GIGYF2: variants seen among roughly 807,000 people sequenced by gnomAD.
GIGYF2 encodes the protein GRB10-interacting GYF protein 2.
In GIGYF2, 25 loss-of-function variants were observed where a neutral mutation model predicts 208.1. That is an observed-to-expected ratio of 0.12 (90% confidence interval 0.09 to 0.17). The LOEUF (loss-of-function observed/expected upper bound fraction) is 0.17, where lower values mean the gene tolerates loss of function less well. Among genes scored for constraint, GIGYF2 ranks in the 10% least tolerant of loss-of-function variants. The pLI is 1.00. For synonymous variants in GIGYF2, 534 were observed against 543.8 expected (o/e 0.98, Z 0.25); for missense variants, 1,302 against 1,579.4 (o/e 0.82, Z 2.98).
At chr2:232,833,342 T>C (rs1400113460) in intron 22 of GIGYF2, among the ~76,000 whole-genome samples, 1 of 152,162 alleles carries the variant, frequency 6.6e-6, no homozygotes, top group African/African-American at 2.4e-5. Context: ...CACCTCAGCC[T>C]TCCCAGTAGC....
rs376434082 is a variant in GIGYF2 at position 232,794,963 on chromosome 2, C to A, written c.1479+19C>A. 2.0e-5 allele frequency: 32 copies of A among 1,562,122 alleles called. No individual in the cohort carries two copies. The highest frequency in any genetic ancestry group is 2.8e-5 in the Non-Finnish European group (32 of 1,133,174). Reference sequence around the variant, plus strand: ...GGAGCAGGTAAAAATCCTGTTAATTCTTTTTGTCTCCTCTTAAACTGCCGT... The same window carrying A: ...GGAGCAGGTAAAAATCCTGTTAATTATTTTTGTCTCCTCTTAAACTGCCGT... On this transcript the variant is annotated intron_variant, in intron 13 of 28. Transcript: ENST00000373563.
At chr2:232,841,171 C>G (rs997087997) in intron 23 of GIGYF2, among the ~76,000 whole-genome samples, 6 of 152,050 alleles carry the variant, frequency 3.9e-5, no homozygotes, top group African/African-American at 1.4e-4. Context: ...CCCTTCAAAG[C>G]TAGAAATTAT....
At chr2:232,728,280 A>G (rs1697299308) in intron 2 of GIGYF2, among the ~76,000 whole-genome samples, 1 of 152,220 alleles carries the variant, frequency 6.6e-6, no homozygotes, top group Non-Finnish European at 1.5e-5. Context: ...GATTGACGAT[A>G]CATAGTAGGT....
intron 14 of GIGYF2, 151 bp downstream of exon 14, chr2:232,796,372 T>A: frequency 1.5e-6 from 1 of 659,706 alleles, no homozygotes; most frequent in Non-Finnish European, 2.7e-6. Context: ...TGTTTCTGAT[T>A]TCAGATGTTT....
intron 2 of GIGYF2, among the ~76,000 whole-genome samples, chr2:232,721,969 C>T (rs1696962384): frequency 6.6e-6 from 1 of 152,122 alleles, no homozygotes; most frequent in African/African-American, 2.4e-5. Flanking sequence ...TTAAATTTGT[C>T]AACTCTCTTC....
At chr2:232,790,516 G>C (rs567459756) in intron 9 of GIGYF2, among the ~76,000 whole-genome samples, 182 bp from the exon 10 acceptor site, 2 of 152,264 alleles carry the variant, frequency 1.3e-5, no homozygotes, top group Non-Finnish European at 2.9e-5. Context: ...TTGTCATCTC[G>C]TAATGGTACA....
intron 22 of GIGYF2, among the ~76,000 whole-genome samples, chr2:232,838,390 G>T (rs1469583932): frequency 6.6e-6 from 1 of 152,058 alleles, no homozygotes; most frequent in East Asian, 1.9e-4. Context: ...CACAGCAATA[G>T]GAAGATTCTC....
At position 232,737,721 on chromosome 2, in the gene GIGYF2, A is replaced by G. The variant is rs953346166; in HGVS notation, c.41+2483A>G. ...TCGAACCAGTGTGCAATTAACTCTA[A>G]ATGAGACAGAAGCACTAAGTGATAC... On this transcript the variant is annotated intron_variant, in intron 3 of 28. Transcript: ENST00000373563. Among the ~76,000 whole-genome samples the G allele has an allele frequency of 2.0e-5, 3 of 152,120 alleles. No homozygotes were observed. In the East Asian group the frequency reaches 5.8e-4, roughly 29 times the overall value.
chr2:232,849,400 A>T (rs1474329243), intron 27 of GIGYF2, among the ~76,000 whole-genome samples: 1 of 152,086 alleles, frequency 6.6e-6, no homozygotes, highest in Non-Finnish European at 1.5e-5. Context: ...TCCCGACCTC[A>T]TGATCCGCCC....
intron 2 of GIGYF2, chr2:232,731,194 T>G (rs1195212206): frequency 6.6e-6 from 1 of 152,220 alleles, no homozygotes; most frequent in Non-Finnish European, 1.5e-5. Context: ...GTATCATTTG[T>G]GTTAATAGTG....
At chr2:232,745,539 G>A (rs1399685266) in intron 3 of GIGYF2, among the ~76,000 whole-genome samples, 2 of 152,166 alleles carry the variant, frequency 1.3e-5, no homozygotes, top group African/African-American at 4.8e-5. Flanking sequence ...ACTGTTGGAA[G>A]GTGCAAGTGA....
At chr2:232,759,172 A>G (rs1011969441) in intron 6 of GIGYF2, among the ~76,000 whole-genome samples, 1 of 152,230 alleles carries the variant, frequency 6.6e-6, no homozygotes, top group Admixed American at 6.5e-5. Context: ...TTCTTGATAA[A>G]TTACAAACAA....
At chr2:232,805,098 T>C (rs567724504) in intron 14 of GIGYF2, among the ~76,000 whole-genome samples, 36 of 152,318 alleles carry the variant, frequency 2.4e-4, no homozygotes, top group African/African-American at 7.7e-4. Context: ...AATATGATTT[T>C]AATTTTTAAA....
intron 2 of GIGYF2, among the ~76,000 whole-genome samples, chr2:232,720,707 G>T (rs1696904853): frequency 2.0e-5 from 3 of 151,966 alleles, no homozygotes; most frequent in Admixed American, 2.0e-4. Flanking sequence ...CAGTTCTCCT[G>T]CCTCAGCCTC....
Position 232,735,188 on chromosome 2 carries a change from A to G in GIGYF2, c.-10A>G. 2 of 1,591,886 alleles carry G rather than the reference A, an allele frequency of 1.3e-6. No homozygotes were observed. The highest frequency in any genetic ancestry group is 1.7e-6 in the Non-Finnish European group (2 of 1,159,800). The stretch of plus-strand genomic sequence containing the variant: ...ACATATAAAAATCTATTGTAAAAAT[A>G]CGGAAAAGAATGGCAGCGGAAACGC... On this transcript the variant is annotated 5_prime_UTR_variant, in exon 3 of 29. It adds an upstream start codon to the 5' untranslated region. Transcript: ENST00000373563.
intron 8 of GIGYF2, chr2:232,765,240 T>TA (rs771937262): frequency 3.9e-5 from 6 of 152,188 alleles, no homozygotes; most frequent in Non-Finnish European, 7.3e-5. Context: ...TGTTCATAAT[T>TA]ATATCTTACA....
chr2:232,805,061 C>T (rs752594525), intron 14 of GIGYF2, among the ~76,000 whole-genome samples: 5 of 151,588 alleles, frequency 3.3e-5, no homozygotes, highest in Non-Finnish European at 7.4e-5. Flanking sequence ...GATTTTGGTA[C>T]ACCCATCACT....
intron 2 of GIGYF2, among the ~76,000 whole-genome samples, chr2:232,709,777 CCA>C (rs1442229054): frequency 6.6e-6 from 1 of 151,722 alleles, no homozygotes; most frequent in Non-Finnish European, 1.5e-5. Flanking sequence ...CCACTGCACT[CCA>C]GCCTGGGCAA....
At chr2:232,794,120 A>T (rs2106367180) in intron 12 of GIGYF2, among the ~76,000 whole-genome samples, 1 of 152,340 alleles carries the variant, frequency 6.6e-6, no homozygotes, top group Non-Finnish European at 1.5e-5. Context: ...AACTGCGATT[A>T]TACCTAATTA....
Sources: gnomAD v4.1 joint callset for allele counts (sites outside exome capture counted in the v4.1 genomes callset) on GRCh38, gnomAD v4.1.1 for gene constraint, MANE v1.5 for transcripts, NCBI Gene and HGNC (gene_info 2026-07-23, HGNC 2026-07-21) for gene names.